Variants in RAB38 observed in about 807,000 individuals in gnomAD.
The protein encoded by RAB38 is ras-related protein Rab-38.
Under a neutral mutation model 18.4 loss-of-function variants are expected in RAB38, and 15 were observed. That is an observed-to-expected ratio of 0.82 (90% CI 0.55 to 1.26). The LOEUF is 1.26. Ranked by LOEUF, RAB38 falls within the 50% of genes most tolerant of loss-of-function variation. The pLI is 0.00. For missense variants in RAB38, 294 were observed against 267.4 expected (o/e 1.10, Z -0.69); for synonymous variants, 101 against 104.4 (o/e 0.97, Z 0.20).
the RAB38 span, among the ~76,000 whole-genome samples, chr11:87,899,893 C>T: frequency 6.6e-6 from 1 of 151,628 alleles, no homozygotes; most frequent in East Asian, 2.0e-4. Flanking sequence ...ACTGTCTTAC[C>T]CTTGGAAAAT....
At chr11:87,823,570 T>C in the RAB38 span, among the ~76,000 whole-genome samples, 1 of 152,176 alleles carries the variant, frequency 6.6e-6, no homozygotes, top group Non-Finnish European at 1.5e-5. Context: ...AATAGAAATA[T>C]GGATCAATGG....
chr11:87,965,213 T>C, the RAB38 span, among the ~76,000 whole-genome samples: 1 of 151,568 alleles, frequency 6.6e-6, no homozygotes, highest in African/African-American at 2.4e-5. Context: ...GTGCATAACC[T>C]ACAGCCTATT....
chr11:88,029,101 A>C, the RAB38 span, among the ~76,000 whole-genome samples: 1 of 152,070 alleles, frequency 6.6e-6, no homozygotes, highest in Non-Finnish European at 1.5e-5. Context: ...AAGAATTTTC[A>C]ACCCAGAATT....
the RAB38 span, among the ~76,000 whole-genome samples, chr11:88,038,002 TTGTG>T: frequency 2.0e-5 from 3 of 152,192 alleles, no homozygotes; most frequent in South Asian, 2.1e-4. Context: ...TAATATAGTA[TTGTG>T]TGTGTATTGT....
the RAB38 span, among the ~76,000 whole-genome samples, chr11:88,015,378 G>C: frequency 6.6e-6 from 1 of 152,080 alleles, no homozygotes; most frequent in East Asian, 1.9e-4. Flanking sequence ...TTTAGTCTCA[G>C]ATCCACTGAC....
At chr11:88,109,554 C>A (rs1942446111), downstream of RAB38, among the ~76,000 whole-genome samples, 1 of 152,082 alleles carries the variant, frequency 6.6e-6, no homozygotes, top group Non-Finnish European at 1.5e-5. Context: ...TTCTGCACAG[C>A]AAAAGAAACT....
At chr11:88,168,393 C>A (rs1001681473) in intron 1 of RAB38, among the ~76,000 whole-genome samples, 1 of 152,158 alleles carries the variant, frequency 6.6e-6, no homozygotes, top group African/African-American at 2.4e-5. Context: ...ATTACTGAAG[C>A]CCGCATGATG....
the RAB38 span, among the ~76,000 whole-genome samples, chr11:87,885,435 C>T: frequency 1.3e-5 from 2 of 150,928 alleles, no homozygotes; most frequent in South Asian, 2.1e-4. Context: ...ATTCCTGCTT[C>T]TGCTCTCTCT....
At chr11:88,169,653 G>A (rs1020161456) in intron 1 of RAB38, among the ~76,000 whole-genome samples, 1 of 152,186 alleles carries the variant, frequency 6.6e-6, no homozygotes, top group Non-Finnish European at 1.5e-5. Flanking sequence ...CTCAAGTTGT[G>A]CAGCCCTGAC....
chr11:87,955,114 T>C, the RAB38 span, among the ~76,000 whole-genome samples: 1 of 152,206 alleles, frequency 6.6e-6, no homozygotes, highest in Admixed American at 6.5e-5. Flanking sequence ...CACTGGCCCA[T>C]GGGTGCCCCA....
intron 1 of RAB38, among the ~76,000 whole-genome samples, chr11:88,155,351 A>G (rs1368053145): frequency 6.6e-6 from 1 of 152,210 alleles, no homozygotes; most frequent in Non-Finnish European, 1.5e-5. Context: ...ACAGCCTGCT[A>G]TCATGCATAA....
chr11:87,959,509 A>G, the RAB38 span, among the ~76,000 whole-genome samples: 7 of 152,162 alleles, frequency 4.6e-5, no homozygotes, highest in Admixed American at 3.3e-4. Flanking sequence ...TGTGCTGAGC[A>G]TTGTGCTATG....
At chr11:88,033,200 G>GGGAAC in the RAB38 span, among the ~76,000 whole-genome samples, 8 of 151,968 alleles carry the variant, frequency 5.3e-5, no homozygotes, top group Non-Finnish European at 1.0e-4. Context: ...ACACAGGAAG[G>GGGAAC]GGAACGTGAC....
At chr11:87,882,042 G>A in the RAB38 span, among the ~76,000 whole-genome samples, 1 of 151,776 alleles carries the variant, frequency 6.6e-6, no homozygotes, top group Non-Finnish European at 1.5e-5. Flanking sequence ...ATTGTCAGAA[G>A]CTGCCTTAGC....
chr11:87,894,670 C>T, the RAB38 span, among the ~76,000 whole-genome samples: 2 of 151,062 alleles, frequency 1.3e-5, no homozygotes, highest in African/African-American at 4.9e-5. Context: ...TCAAGTATGC[C>T]TACTGGTGTG....
chr11:88,171,460 T>G (rs1943311151), intron 1 of RAB38, among the ~76,000 whole-genome samples: 1 of 152,238 alleles, frequency 6.6e-6, no homozygotes. Flanking sequence ...CAGCAAGGTT[T>G]CACAGTTTGC....
At chr11:88,021,953 G>A in the RAB38 span, among the ~76,000 whole-genome samples, 1 of 151,490 alleles carries the variant, frequency 6.6e-6, no homozygotes, top group Admixed American at 6.6e-5. Context: ...ACAGGCATGA[G>A]CCACTGCACC....
the RAB38 span, among the ~76,000 whole-genome samples, chr11:88,036,653 T>G: frequency 6.6e-6 from 1 of 152,062 alleles, no homozygotes; most frequent in African/African-American, 2.4e-5. Context: ...AAATATGTTA[T>G]CAATCAACAT....
chr11:87,851,695 T>C, the RAB38 span, among the ~76,000 whole-genome samples: 77 of 152,314 alleles, frequency 5.1e-4, no homozygotes, highest in African/African-American at 1.9e-3. Context: ...GTTGAAGTTG[T>C]TGTATCTCTT....
Sources: gnomAD v4.1 joint callset for allele counts (sites outside exome capture counted in the v4.1 genomes callset) on GRCh38, gnomAD v4.1.1 for gene constraint, MANE v1.5 for transcripts, NCBI Gene and HGNC (gene_info 2026-07-23, HGNC 2026-07-21) for gene names.